The following DPYD variants were observed in gnomAD, a reference collection of about 807,000 sequenced individuals.
DPYD encodes the protein dihydropyrimidine dehydrogenase.
A neutral mutation model predicts 116.2 loss-of-function variants in DPYD; 109 were observed. The observed-to-expected ratio is 0.94, with a 90% CI of 0.80 to 1.10. The LOEUF is 1.10. Ranked by LOEUF, DPYD falls within the 50% of genes least tolerant of loss-of-function variation. The probability of loss-of-function intolerance (pLI) is 0.00; values close to 1 mark genes in which losing one functional copy is unlikely to be tolerated. For missense variants in DPYD, 1,302 were observed against 1,254.5 expected, an observed-to-expected ratio of 1.04 and a Z score of -0.57; for synonymous variants, 440 against 432.0, an observed-to-expected ratio of 1.02 and a Z score of -0.23.
intron 3 of DPYD, among the ~76,000 whole-genome samples, chr1:97,819,244 T>C (rs1177984067): frequency 6.6e-6 from 1 of 151,824 alleles, no homozygotes; most frequent in Non-Finnish European, 1.5e-5. Context: ...ATTTGGGGAG[T>C]AGGGCTTTCA....
At chr1:97,245,500 C>T (rs1662661558) in intron 18 of DPYD, among the ~76,000 whole-genome samples, 1 of 152,054 alleles carries the variant, frequency 6.6e-6, no homozygotes, top group Non-Finnish European at 1.5e-5. Context: ...ACTTAGTGGA[C>T]TTGAAGTAAT....
intron 20 of DPYD, among the ~76,000 whole-genome samples, chr1:97,147,306 G>A (rs762686462): frequency 7.2e-5 from 11 of 152,104 alleles, no homozygotes; most frequent in African/African-American, 1.9e-4. Context: ...CTGAGATCGC[G>A]CCACTGACTC....
At chr1:97,306,875 A>C (rs1037120968) in intron 16 of DPYD, among the ~76,000 whole-genome samples, 2 of 151,948 alleles carry the variant, frequency 1.3e-5, no homozygotes, top group African/African-American at 4.8e-5. Context: ...AGTAACTTTA[A>C]TTTACTTTTG....
chr1:97,616,092 C>T (rs1426145693), intron 8 of DPYD, among the ~76,000 whole-genome samples: 3 of 152,052 alleles, frequency 2.0e-5, no homozygotes, highest in Non-Finnish European at 4.4e-5. Flanking sequence ...ATCCTTACAC[C>T]CAGGGTTTGA....
intron 20 of DPYD, among the ~76,000 whole-genome samples, chr1:97,155,815 A>G (rs548763023): frequency 6.6e-6 from 1 of 152,128 alleles, no homozygotes; most frequent in Admixed American, 6.6e-5. Context: ...TCACTTTCCA[A>G]CGGTCTCACT....
intron 8 of DPYD, among the ~76,000 whole-genome samples, chr1:97,611,211 G>C: frequency 6.6e-6 from 1 of 152,088 alleles, no homozygotes; most frequent in East Asian, 1.9e-4. Context: ...CAGGCAAAAA[G>C]AGAGCCTGTG....
intron 18 of DPYD, among the ~76,000 whole-genome samples, chr1:97,236,731 G>A (rs548013328): frequency 2.6e-5 from 4 of 152,160 alleles, no homozygotes; most frequent in Non-Finnish European, 4.4e-5. Flanking sequence ...GAAACCTATT[G>A]TAAAGTTCGG....
intron 4 of DPYD, among the ~76,000 whole-genome samples, chr1:97,725,596 G>C (rs1390476875): frequency 6.6e-6 from 1 of 151,600 alleles, no homozygotes; most frequent in Non-Finnish European, 1.5e-5. Context: ...ATGAGGATAA[G>C]CATGTAGATC....
intron 1 of DPYD, among the ~76,000 whole-genome samples, chr1:97,904,468 G>A (rs1400120392): frequency 6.6e-6 from 1 of 151,914 alleles, no homozygotes; most frequent in Non-Finnish European, 1.5e-5. Flanking sequence ...CCTAAAAGCA[G>A]TAGATAGATT....
chr1:97,092,337 G>A (rs1237638548), intron 21 of DPYD, among the ~76,000 whole-genome samples: 1 of 152,150 alleles, frequency 6.6e-6, no homozygotes, highest in Non-Finnish European at 1.5e-5. Context: ...TTTGACAACT[G>A]TTGCCAACTA....
chr1:97,694,016 G>A (rs1007936366), intron 6 of DPYD, among the ~76,000 whole-genome samples: 1 of 152,180 alleles, frequency 6.6e-6, no homozygotes, highest in African/African-American at 2.4e-5. Context: ...GGAGGAAGGG[G>A]CAGCCACCAC....
intron 13 of DPYD, among the ~76,000 whole-genome samples, chr1:97,470,397 A>G (rs1047555282): frequency 3.9e-5 from 6 of 151,930 alleles, no homozygotes; most frequent in Admixed American, 1.3e-4. Flanking sequence ...ATAAGGTAAA[A>G]TAAAGGATGT....
intron 16 of DPYD, among the ~76,000 whole-genome samples, chr1:97,360,244 T>C (rs992227309): frequency 1.3e-5 from 2 of 152,106 alleles, no homozygotes; most frequent in Non-Finnish European, 2.9e-5. Context: ...CAAGAAGAGC[T>C]AACTAACCTA....
At position 97,893,514 on chromosome 1, in the gene DPYD, C is replaced by A. The variant is rs114335834; in HGVS notation, c.40-10140G>T. ...ATAGAACTGTATATAACTCATGGGTCTTTGGTCCCAACATGTTTAGGTAAA... is the reference window on the plus strand; with the variant it reads ...ATAGAACTGTATATAACTCATGGGTATTTGGTCCCAACATGTTTAGGTAAA... On this transcript the variant is annotated intron_variant, in intron 1 of 22. Coordinates refer to ENST00000370192, the MANE Select transcript of DPYD (RefSeq NM_000110.4). 7.3e-3 allele frequency among the ~76,000 whole-genome samples: 1,008 copies of A among 139,008 alleles called. 3 individuals are homozygous for A. The highest frequency in any genetic ancestry group is 0.011 in the Non-Finnish European group (725 of 65,194). 91.2% of individuals were successfully genotyped at this position (139,008 alleles called of 152,430 possible).
At chr1:97,274,155 CTAAA>C (rs1293213234) in intron 18 of DPYD, among the ~76,000 whole-genome samples, 1 of 152,036 alleles carries the variant, frequency 6.6e-6, no homozygotes, top group Non-Finnish European at 1.5e-5. Flanking sequence ...ATATATACAT[CTAAA>C]TTCAAGGAAC....
chr1:97,232,835 A>G (rs1191665033), intron 19 of DPYD, among the ~76,000 whole-genome samples: 1 of 152,032 alleles, frequency 6.6e-6, no homozygotes, highest in Non-Finnish European at 1.5e-5. Context: ...TGTTAATGCA[A>G]TTTTATAATG....
intron 18 of DPYD, among the ~76,000 whole-genome samples, chr1:97,280,725 T>C (rs1665266924): frequency 6.6e-6 from 1 of 151,694 alleles, no homozygotes; most frequent in African/African-American, 2.4e-5. Flanking sequence ...AAAGTGGTAT[T>C]AAGAGACTGG....
chr1:97,423,672 C>T (rs769880801), intron 14 of DPYD, among the ~76,000 whole-genome samples: 1 of 152,040 alleles, frequency 6.6e-6, no homozygotes, highest in Non-Finnish European at 1.5e-5. Context: ...AGTTTGCTCT[C>T]GTCTAAACTG....
At chr1:97,222,568 T>C (rs907725658) in intron 19 of DPYD, among the ~76,000 whole-genome samples, 1 of 152,130 alleles carries the variant, frequency 6.6e-6, no homozygotes, top group Admixed American at 6.6e-5. Flanking sequence ...AAGATGCTTT[T>C]TAAATATGAA....
Sources: gnomAD v4.1 joint callset for allele counts (sites outside exome capture counted in the v4.1 genomes callset) on GRCh38, gnomAD v4.1.1 for gene constraint, MANE v1.5 for transcripts, NCBI Gene and HGNC (gene_info 2026-07-23, HGNC 2026-07-21) for gene names.